The following ESR1 variants were observed in gnomAD, a reference collection of about 807,000 sequenced individuals.
ESR1 encodes the protein estrogen receptor 1.
ESR1 carries 12 observed loss-of-function variants against 52.7 expected under a neutral mutation model. The ratio of observed to expected loss-of-function variants is 0.23; its 90% CI spans 0.15 to 0.37. ESR1 has a LOEUF of 0.37. Among genes scored for constraint, ESR1 ranks in the 10% least tolerant of loss-of-function variants. ESR1 has a pLI of 1.00. For missense variants in ESR1, 584 were observed against 779.7 expected, an observed-to-expected ratio of 0.75 and a Z score of 2.99; for synonymous variants, 305 against 316.8, an observed-to-expected ratio of 0.96 and a Z score of 0.39.
chr6:151,669,147 GGA>G (rs541895194), intron 1 of ESR1, among the ~76,000 whole-genome samples: 741 of 69,260 alleles, frequency 0.011, 34 homozygotes, highest in Admixed American at 0.06. Context: ...TTGGGAGCTG[GGA>G]GAGAGAGAGA....
intron 2 of ESR1, among the ~76,000 whole-genome samples, chr6:151,857,955 T>A (rs1788169888): frequency 6.6e-6 from 1 of 152,238 alleles, no homozygotes; most frequent in Non-Finnish European, 1.5e-5. Context: ...ACAGTAAACA[T>A]CTTTTACTTC....
intron 2 of ESR1, among the ~76,000 whole-genome samples, chr6:151,751,558 C>A (rs944284287): frequency 2.0e-5 from 3 of 152,100 alleles, no homozygotes; most frequent in African/African-American, 7.2e-5. Context: ...AAAGTGAACA[C>A]CTTCTACTGA....
intron 3 of ESR1, among the ~76,000 whole-genome samples, chr6:151,887,729 G>A (rs912705120): frequency 6.6e-6 from 1 of 152,102 alleles, no homozygotes; most frequent in African/African-American, 2.4e-5. Flanking sequence ...AGTTCAGCTG[G>A]AGGAAGCATG....
intron 4 of ESR1, among the ~76,000 whole-genome samples, chr6:151,965,455 C>T (rs1022475705): frequency 6.6e-6 from 1 of 152,088 alleles, no homozygotes. Flanking sequence ...TATCTCATTA[C>T]CTAAAAGGTT....
chr6:151,672,892 G>A (rs1378094875), intron 1 of ESR1, among the ~76,000 whole-genome samples: 7 of 142,776 alleles, frequency 4.9e-5, no homozygotes, highest in African/African-American at 1.8e-4. Context: ...CCAGTAGCAC[G>A]ATCTCGGCTC....
At chr6:152,017,612 A>G (rs767247400) in intron 5 of ESR1, among the ~76,000 whole-genome samples, 1 of 152,102 alleles carries the variant, frequency 6.6e-6, no homozygotes, top group African/African-American at 2.4e-5. Context: ...TAGAAAACAC[A>G]AAATATGTCC....
At chr6:151,718,990 A>G (rs12526447) in intron 2 of ESR1, among the ~76,000 whole-genome samples, 34,289 of 152,084 alleles carry the variant, frequency 0.23, 4,028 homozygotes, top group Non-Finnish European at 0.25. Context: ...CTATCTTGGT[A>G]GTTCCTCATT....
chr6:152,125,259 T>G (rs1349388860), intron 6 of ESR1: 1 of 1,549,946 alleles, frequency 6.5e-7, no homozygotes, highest in Non-Finnish European at 8.7e-7. Flanking sequence ...TCGTATTCAT[T>G]TCACAGGTAT....
At chr6:151,945,240 C>G (rs755403977) in intron 4 of ESR1, among the ~76,000 whole-genome samples, 1 of 151,986 alleles carries the variant, frequency 6.6e-6, no homozygotes, top group Non-Finnish European at 1.5e-5. Context: ...ATAAACCACA[C>G]AAAAAAAGAG....
chr6:151,817,926 A>G (rs755359268), intron 1 of ESR1, among the ~76,000 whole-genome samples: 2 of 152,176 alleles, frequency 1.3e-5, no homozygotes, highest in South Asian at 2.1e-4. Context: ...TATCAGTACA[A>G]TTGTTGATTG....
upstream of ESR1, among the ~76,000 whole-genome samples, chr6:151,800,369 G>C (rs1304256108): frequency 1.3e-5 from 2 of 152,090 alleles, no homozygotes; most frequent in Non-Finnish European, 2.9e-5. Flanking sequence ...AGCTCTCTGG[G>C]GGCAGAGGTT....
At chr6:151,723,606 C>G (rs1173366079) in intron 2 of ESR1, among the ~76,000 whole-genome samples, 1 of 152,200 alleles carries the variant, frequency 6.6e-6, no homozygotes, top group African/African-American at 2.4e-5. Flanking sequence ...CAGTGGCTCA[C>G]ACCTGTAATC....
chr6:152,064,772 C>G lies in ESR1; in HGVS notation c.1369+3648C>G, dbSNP rs189120203. Among the ~76,000 whole-genome samples the G allele has an allele frequency of 2.1e-3, 323 of 152,290 alleles. 2 individuals carry two copies. The highest frequency in any genetic ancestry group is 7.5e-3 in the African/African-American group (310 of 41,562). ...TGTGGACTGTCAACAGATGTTACAT[C>G]ATTCAGTCATTTAATAGATGCTTAT... On this transcript the variant is annotated intron_variant, in intron 6 of 7. Coordinates refer to ENST00000206249, the MANE Select transcript of ESR1 (RefSeq NM_000125.4).
Position 151,798,902 on chromosome 6 carries a change from C to T in ESR1, c.-70-8941C>T, listed in dbSNP as rs534100303. ...AGTAATGAATGGAAGGTAGATTACT[C>T]ATTTCTTCATGTTCAAAAAACAAAT... On this transcript the variant is annotated intron_variant, in intron 2 of 2. Coordinates refer to the ESR1 transcript ENST00000404742. Among the ~76,000 whole-genome samples the T allele has an allele frequency of 1.2e-4, 19 of 152,282 alleles. No individual in the cohort carries two copies. In the South Asian group the frequency reaches 3.9e-3, roughly 32 times the overall value.
intron 4 of ESR1, among the ~76,000 whole-genome samples, chr6:151,994,548 T>G (rs1282159628): frequency 6.6e-6 from 1 of 152,162 alleles, no homozygotes; most frequent in Non-Finnish European, 1.5e-5. Context: ...GCTGATGCCC[T>G]AATATGCTCC....
chr6:151,897,721 A>G (rs771123914), intron 3 of ESR1, among the ~76,000 whole-genome samples: 4 of 152,210 alleles, frequency 2.6e-5, no homozygotes, highest in African/African-American at 4.8e-5. Flanking sequence ...TCTGTTCATC[A>G]TGCCATTTGT....
At chr6:151,967,203 C>T (rs984249000) in intron 4 of ESR1, among the ~76,000 whole-genome samples, 6 of 152,080 alleles carry the variant, frequency 3.9e-5, no homozygotes, top group Admixed American at 1.3e-4. Context: ...TTTAATTATA[C>T]TGTAAGTTCT....
intron 5 of ESR1, among the ~76,000 whole-genome samples, chr6:152,014,842 T>A (rs1267027059): frequency 6.6e-6 from 1 of 152,134 alleles, no homozygotes; most frequent in African/African-American, 2.4e-5. Flanking sequence ...GTGATCATGA[T>A]GCTTCCTGAC....
chr6:151,707,351 A>G (rs549962280), intron 2 of ESR1, among the ~76,000 whole-genome samples: 2 of 152,240 alleles, frequency 1.3e-5, no homozygotes, highest in African/African-American at 4.8e-5. Context: ...GTGTGTGGGT[A>G]TACATATTTA....
Sources: gnomAD v4.1 joint callset for allele counts (sites outside exome capture counted in the v4.1 genomes callset) on GRCh38, gnomAD v4.1.1 for gene constraint, MANE v1.5 for transcripts, NCBI Gene and HGNC (gene_info 2026-07-23, HGNC 2026-07-21) for gene names.